Variants in MAP6 observed in about 807,000 individuals in gnomAD.
MAP6 encodes the protein microtubule associated protein 6.
Under a neutral mutation model 42.4 loss-of-function variants are expected in MAP6, and 26 were observed. The observed-to-expected ratio is 0.61, with a 90% CI of 0.45 to 0.85. MAP6 has a LOEUF of 0.85. Among genes scored for constraint, MAP6 ranks in the 40% least tolerant of loss-of-function variants. The pLI is 0.00. For missense variants in MAP6, 966 were observed against 1,099.0 expected (o/e 0.88, Z 1.71); for synonymous variants, 418 against 443.8 (o/e 0.94, Z 0.73).
At chr11:75,622,091 A>G (rs1198470631) in intron 1 of MAP6, among the ~76,000 whole-genome samples, 1 of 152,106 alleles carries the variant, frequency 6.6e-6, no homozygotes, top group Non-Finnish European at 1.5e-5. Flanking sequence ...AAAATGAGTG[A>G]GTTTAGCAAG....
At chr11:75,605,654 GC>G in intron 3 of MAP6, 153 bp downstream of exon 3, 1 of 1,429,552 alleles carries the variant, frequency 7.0e-7, no homozygotes, top group South Asian at 1.5e-5. Context: ...ATCAAAAGAA[GC>G]CAAACCAAAG....
intron 1 of MAP6, among the ~76,000 whole-genome samples, chr11:75,621,878 CCAGGTGTTGTGG>C (rs1181390566): frequency 1.3e-5 from 2 of 151,988 alleles, no homozygotes; most frequent in Non-Finnish European, 2.9e-5. Context: ...CAAAAATTAG[CCAGGTGTTGTGG>C]TGGGTGCCTG....
intron 1 of MAP6, among the ~76,000 whole-genome samples, chr11:75,637,675 C>G (rs1348288085): frequency 6.6e-6 from 1 of 152,040 alleles, no homozygotes; most frequent in East Asian, 1.9e-4. Flanking sequence ...TGTCACATCT[C>G]TAAAATGGGA....
At chr11:75,632,986 GTTTCT>G (rs1484491764) in intron 1 of MAP6, among the ~76,000 whole-genome samples, 1 of 149,618 alleles carries the variant, frequency 6.7e-6, no homozygotes, top group Non-Finnish European at 1.5e-5. Context: ...TGTTGCTGTT[GTTTCT>G]TTTCTTTTTT....
intron 1 of MAP6, among the ~76,000 whole-genome samples, chr11:75,641,027 A>G (rs1943460343): frequency 6.6e-6 from 1 of 152,190 alleles, no homozygotes; most frequent in African/African-American, 2.4e-5. Flanking sequence ...ATAAAGACAC[A>G]TGCACACGTA....
chr11:75,607,210 C>T (rs1425178952), intron 2 of MAP6: 1 of 984,826 alleles, frequency 1.0e-6, no homozygotes, highest in Non-Finnish European at 1.2e-6. Context: ...GGTTAGTTAC[C>T]TTACCCATAA....
intron 1 of MAP6, among the ~76,000 whole-genome samples, chr11:75,634,985 A>G (rs1943344901): frequency 6.6e-6 from 1 of 152,200 alleles, no homozygotes; most frequent in African/African-American, 2.4e-5. Context: ...GAAAATGTGG[A>G]GCAAAATAGG....
intron 3 of MAP6, chr11:75,603,891 T>C: frequency 1.0e-6 from 1 of 985,488 alleles, no homozygotes; most frequent in Non-Finnish European, 1.2e-6. Context: ...TCAACATGTC[T>C]GACTAATGCC....
intron 2 of MAP6, among the ~76,000 whole-genome samples, chr11:75,606,857 T>G (rs1245102776): frequency 6.6e-6 from 1 of 152,222 alleles, no homozygotes; most frequent in Non-Finnish European, 1.5e-5. Flanking sequence ...CCTTGCCTGC[T>G]CTTTCTCAGG....
At chr11:75,590,106 G>C (rs759242263) in intron 3 of MAP6, among the ~76,000 whole-genome samples, 1 of 152,196 alleles carries the variant, frequency 6.6e-6, no homozygotes, top group Non-Finnish European at 1.5e-5. Context: ...TGTTTGAGAA[G>C]AGAGCCAGGC....
chr11:75,595,137 G>A (rs1286563800), intron 3 of MAP6, among the ~76,000 whole-genome samples: 4 of 152,342 alleles, frequency 2.6e-5, no homozygotes, highest in Non-Finnish European at 4.4e-5. Context: ...CTGCCCAGCC[G>A]CTGCTCGCAC....
At chr11:75,592,141 C>G (rs925208754) in intron 3 of MAP6, among the ~76,000 whole-genome samples, 1 of 152,220 alleles carries the variant, frequency 6.6e-6, no homozygotes, top group Non-Finnish European at 1.5e-5. Context: ...CAAGGCCCTG[C>G]CTGTCCTTGA....
chr11:75,657,030 G>T (rs1590808791), intron 1 of MAP6, among the ~76,000 whole-genome samples: 1 of 152,064 alleles, frequency 6.6e-6, no homozygotes, highest in South Asian at 2.1e-4. Flanking sequence ...CGTATAAATG[G>T]AATCATTCAG....
Position 75,586,960 on chromosome 11 carries a change from TG to T in MAP6, c.*98del. The T allele has an allele frequency of 1.6e-6, 2 of 1,266,580 alleles. No homozygotes were observed. Among genetic ancestry groups the T allele is most frequent in the Non-Finnish European group, 2.2e-6 (2 of 912,056 alleles). 78.5% of individuals were successfully genotyped at this position (1,266,580 alleles called of 1,614,324 possible). On this transcript the variant is annotated 3_prime_UTR_variant, in exon 4 of 4. Transcript: ENST00000304771. ...TTTTATTAGATTCCAGCAAGACTAC[TG>T]TACATGTTTCATGCAGATTAAATAT...
At chr11:75,643,211 ATG>A (rs1943504060) in intron 1 of MAP6, among the ~76,000 whole-genome samples, 1 of 150,360 alleles carries the variant, frequency 6.7e-6, no homozygotes, top group Admixed American at 6.6e-5. Context: ...ATTATTATGT[ATG>A]TGTTTTATAT....
intron 1 of MAP6, among the ~76,000 whole-genome samples, chr11:75,648,481 G>C (rs911145711): frequency 3.3e-5 from 5 of 151,932 alleles, no homozygotes; most frequent in African/African-American, 1.2e-4. Flanking sequence ...CTGGGCAACA[G>C]AGTGAGACCC....
At chr11:75,593,650 A>G (rs1206595408) in intron 3 of MAP6, among the ~76,000 whole-genome samples, 2 of 152,224 alleles carry the variant, frequency 1.3e-5, no homozygotes, top group African/African-American at 2.4e-5. Flanking sequence ...GGCATAATTC[A>G]GAGAGTGGGG....
At chr11:75,595,615 C>A (rs1168397638) in intron 3 of MAP6, among the ~76,000 whole-genome samples, 1 of 152,174 alleles carries the variant, frequency 6.6e-6, no homozygotes, top group Non-Finnish European at 1.5e-5. Context: ...GCCCAAACAC[C>A]ACCCCTCGCC....
chr11:75,619,455 C>T lies in MAP6; in HGVS notation c.906-11133G>A, dbSNP rs547256229. Among the ~76,000 whole-genome samples the T allele has an allele frequency of 7.2e-5, 11 of 152,250 alleles. No individual in the cohort carries two copies. In the South Asian group the frequency reaches 1.0e-3, roughly 14 times the overall value. The stretch of plus-strand genomic sequence containing the variant: ...GTTGTACAGATTATTTCATCACCCA[C>T]GTATTAAGTCTAGTACTCACTGGTT... On this transcript the variant is annotated intron_variant, in intron 1 of 3. Transcript: ENST00000304771.
Sources: gnomAD v4.1 joint callset for allele counts (sites outside exome capture counted in the v4.1 genomes callset) on GRCh38, gnomAD v4.1.1 for gene constraint, MANE v1.5 for transcripts, NCBI Gene and HGNC (gene_info 2026-07-23, HGNC 2026-07-21) for gene names.